Variants in CACNB4 observed in about 807,000 individuals in gnomAD.
CACNB4 encodes the protein voltage-dependent L-type calcium channel subunit beta-4.
CACNB4 carries 32 observed loss-of-function variants against 71.2 expected under a neutral mutation model. The ratio of observed to expected loss-of-function variants is 0.45; its 90% CI spans 0.34 to 0.60. The LOEUF is 0.60. CACNB4 is among the 20% of genes least tolerant of loss of function. CACNB4 has a pLI of 0.01. For missense variants in CACNB4, 464 were observed against 647.9 expected (o/e 0.72, Z 3.08); for synonymous variants, 231 against 236.9 (o/e 0.97, Z 0.23).
chr2:152,047,475 T>C (rs1685196780), intron 2 of CACNB4, among the ~76,000 whole-genome samples: 1 of 152,260 alleles, frequency 6.6e-6, no homozygotes, highest in Non-Finnish European at 1.5e-5. Flanking sequence ...ATACGACCTG[T>C]AACCTTCACT....
At chr2:151,849,080 G>A (rs555788565) in intron 12 of CACNB4, among the ~76,000 whole-genome samples, 2 of 152,130 alleles carry the variant, frequency 1.3e-5, no homozygotes, top group East Asian at 3.9e-4. Flanking sequence ...CTTTTCTTCT[G>A]TGAATTCCGA....
chr2:151,870,948 A>T, intron 6 of CACNB4, 87 bp from the exon 7 acceptor site: 2 of 971,274 alleles, frequency 2.1e-6, no homozygotes, highest in Non-Finnish European at 3.1e-6. Context: ...GAATGTACCC[A>T]TTTGTCCCTG....
chr2:151,893,607 A>G (rs1320493278), intron 2 of CACNB4, among the ~76,000 whole-genome samples: 1 of 152,136 alleles, frequency 6.6e-6, no homozygotes, highest in African/African-American at 2.4e-5. Context: ...TATATAACAC[A>G]CATATATTTT....
intron 2 of CACNB4, among the ~76,000 whole-genome samples, chr2:151,991,585 T>C (rs764571624): frequency 2.0e-4 from 31 of 152,318 alleles, no homozygotes; most frequent in Non-Finnish European, 3.7e-4. Context: ...AAATGGGGTG[T>C]GAAGAATGTG....
At chr2:151,869,653 G>C (rs1007647514) in intron 8 of CACNB4, 1 of 167,276 alleles carries the variant, frequency 6.0e-6, no homozygotes, top group African/African-American at 2.4e-5. Context: ...CTGCTAGTTT[G>C]TGTATGTTGG....
intron 2 of CACNB4, among the ~76,000 whole-genome samples, chr2:152,049,697 G>C (rs78929171): frequency 1.3e-5 from 2 of 152,070 alleles, no homozygotes; most frequent in Admixed American, 1.3e-4. Context: ...TATAATATCC[G>C]AATCTACAGA....
intron 2 of CACNB4, among the ~76,000 whole-genome samples, chr2:152,059,140 C>A (rs1464626356): frequency 1.3e-5 from 2 of 152,346 alleles, no homozygotes; most frequent in Middle Eastern, 3.4e-3. Flanking sequence ...TCATGGAGAA[C>A]CTCTGCTAGG....
intron 2 of CACNB4, among the ~76,000 whole-genome samples, chr2:151,999,085 T>C (rs559690052): frequency 6.6e-6 from 1 of 152,322 alleles, no homozygotes; most frequent in East Asian, 1.9e-4. Flanking sequence ...TGTCAGCTGC[T>C]TGGCATAAGG....
intron 2 of CACNB4, among the ~76,000 whole-genome samples, chr2:152,029,370 T>C (rs1278768757): frequency 6.6e-6 from 1 of 151,744 alleles, no homozygotes; most frequent in East Asian, 1.9e-4. Flanking sequence ...GTTGTGCACC[T>C]GTAATCCCAG....
In CACNB4 at chr2:151,884,944, GT is replaced by G. The variant is rs536174308; in HGVS notation, c.148-1575del. On this transcript the variant is annotated intron_variant, in intron 2 of 13. Transcript: ENST00000539935. ...TAGCTGAGAATCTGCTGTCCACTGA[GT>G]GGGGGAAAAAGCTTTAAGAAATAGT... Among the ~76,000 whole-genome samples, 666 of 152,278 alleles carry G rather than the reference GT, an allele frequency of 4.4e-3. 4 individuals are homozygous for G. The highest frequency in any genetic ancestry group is 0.016 in the African/African-American group (644 of 41,546).
chr2:151,913,530 C>T (rs915699512), intron 2 of CACNB4, among the ~76,000 whole-genome samples: 1 of 152,016 alleles, frequency 6.6e-6, no homozygotes, highest in Non-Finnish European at 1.5e-5. Context: ...CTTTGGGAGG[C>T]AGAGGAGGGT....
At chr2:151,839,406 T>G in intron 13 of CACNB4, 27 bp from the exon 14 acceptor site, 1 of 1,561,374 alleles carries the variant, frequency 6.4e-7, no homozygotes, top group South Asian at 1.1e-5. Flanking sequence ...GTTCATTGAT[T>G]AAATAATGTC....
At chr2:151,870,266 A>G (rs1199231943) in intron 8 of CACNB4, 1 of 703,084 alleles carries the variant, frequency 1.4e-6, no homozygotes, top group South Asian at 1.5e-5. Context: ...ATGTACAGCA[A>G]ATCTTTGACC....
chr2:151,840,775 C>A (rs936430306), intron 13 of CACNB4, among the ~76,000 whole-genome samples: 2 of 152,142 alleles, frequency 1.3e-5, no homozygotes, highest in African/African-American at 4.8e-5. Context: ...TCTGTATGAT[C>A]GACAATTAAG....
chr2:151,971,277 C>A (rs1051027148), intron 2 of CACNB4: 4 of 569,218 alleles, frequency 7.0e-6, no homozygotes, highest in Admixed American at 6.2e-5. Flanking sequence ...GATCTTATTA[C>A]AAGCTTACTG....
chr2:151,961,849 G>A (rs62175756), intron 2 of CACNB4, among the ~76,000 whole-genome samples: 4,437 of 152,138 alleles, frequency 0.029, 68 homozygotes, highest in African/African-American at 0.04. Flanking sequence ...CCATGATTGC[G>A]CCACTGCTCT....
rs759432975 is a variant in CACNB4, at chr2:151,841,909, C to A, written c.1296G>T (p.Gly432=). Residue 432 remains glycine, a synonymous_variant, in exon 13 of 14, where the codon GGG becomes GGT. Coordinates refer to ENST00000539935, the MANE Select transcript of CACNB4 (RefSeq NM_000726.5). ...AGTGAAAAAGTGACAATACCTGTAA[C>A]CCAGAAATTGCTGTGGGATATGGTG... is the stretch of plus-strand genomic sequence containing the variant. The part of the protein sequence containing the change: ...ALSPYPTAIS[G]LQSQRMRHSN... 1 of 1,613,408 alleles carries A rather than the reference C, an allele frequency of 6.2e-7. No homozygotes were observed. The highest frequency in any genetic ancestry group is 2.2e-5 in the East Asian group (1 of 44,866).
intron 2 of CACNB4, among the ~76,000 whole-genome samples, chr2:151,988,287 T>C (rs1579079736): frequency 6.6e-6 from 1 of 152,134 alleles, no homozygotes; most frequent in African/African-American, 2.4e-5. Flanking sequence ...CTCTCAGTTG[T>C]TCATATTCAC....
At chr2:151,922,157 G>A (rs999310581) in intron 2 of CACNB4, among the ~76,000 whole-genome samples, 1 of 152,094 alleles carries the variant, frequency 6.6e-6, no homozygotes, top group Non-Finnish European at 1.5e-5. Flanking sequence ...GGATAATCCT[G>A]TACAATCTCC....
Sources: allele counts gnomAD v4.1 joint callset (sites outside exome capture counted in the v4.1 genomes callset), GRCh38; gene constraint gnomAD v4.1.1; transcripts MANE v1.5; gene names NCBI Gene and HGNC (gene_info 2026-07-23, HGNC 2026-07-21).